PCDHA9: variants seen among roughly 807,000 people sequenced by gnomAD.
The protein encoded by PCDHA9 is protocadherin alpha-9.
In PCDHA9, 62 loss-of-function variants were observed where a neutral mutation model predicts 62.0. The ratio of observed to expected loss-of-function variants is 1.00; its 90% CI spans 0.81 to 1.23. The LOEUF is 1.23. Ranked by LOEUF, PCDHA9 falls within the 50% of genes most tolerant of loss-of-function variation. The probability of loss-of-function intolerance (pLI) is 0.00; values close to 1 mark genes in which losing one functional copy is unlikely to be tolerated. For missense variants in PCDHA9, 1,205 were observed against 1,249.8 expected (o/e 0.96, Z 0.54); for synonymous variants, 557 against 567.6 (o/e 0.98, Z 0.27).
chr5:140,890,836 C>A (rs1189670490), intron 1 of PCDHA9, among the ~76,000 whole-genome samples: 1 of 151,884 alleles, frequency 6.6e-6, no homozygotes, highest in Admixed American at 6.6e-5. Flanking sequence ...ACATATTTAC[C>A]AGTTTTGTTT....
chr5:140,906,822 T>C (rs2072968102), intron 1 of PCDHA9, among the ~76,000 whole-genome samples: 1 of 152,142 alleles, frequency 6.6e-6, no homozygotes, highest in African/African-American at 2.4e-5. Context: ...CACTGTGGAG[T>C]AGTAGACTGA....
At chr5:140,876,635 C>T (rs1554168754) in intron 1 of PCDHA9, 1 of 1,614,208 alleles carries the variant, frequency 6.2e-7, no homozygotes, top group East Asian at 2.2e-5. Flanking sequence ...GTCATCTGCT[C>T]ACTGACACCT....
chr5:140,850,893 G>A lies in PCDHA9; in HGVS notation c.2394+4G>A. 6.4e-7 allele frequency: 1 copy of A among 1,574,570 alleles called. No homozygotes were observed. The highest frequency in any genetic ancestry group is 8.7e-7 in the Non-Finnish European group (1 of 1,154,762). ...TTCCTCAGATTCAACTGGGAAGGTG[G>A]GTTTTTCTAGCATTTTATTTATTTA... On this transcript the variant is annotated splice_donor_region_variant and intron_variant, in intron 1 of 3. Transcript: ENST00000532602.
Position 140,858,189 on chromosome 5 carries a change from T to C in PCDHA9, c.2394+7300T>C. The C allele has an allele frequency of 1.3e-6, 2 of 1,597,232 alleles. 1 individual carries two copies. Among genetic ancestry groups the C allele is most frequent in the Non-Finnish European group, 1.7e-6 (2 of 1,167,008 alleles). On this transcript the variant is annotated intron_variant, in intron 1 of 3. Coordinates refer to ENST00000532602, the MANE Select transcript of PCDHA9 (RefSeq NM_031857.2). ...TCCAGCTTGCTGGTGCTCACGCTGC[T>C]GCTGTACACTGCACTGAGGTGCTCG...
At chr5:140,965,061 G>A (rs76085486) in intron 1 of PCDHA9, among the ~76,000 whole-genome samples, 2,501 of 152,286 alleles carry the variant, frequency 0.016, 68 homozygotes, top group African/African-American at 0.056. Context: ...CATGCCAAAT[G>A]TCAGGTCTCA....
chr5:140,880,739 A>G (rs1349403476), intron 1 of PCDHA9, among the ~76,000 whole-genome samples: 1 of 152,204 alleles, frequency 6.6e-6, no homozygotes, highest in South Asian at 2.1e-4. Context: ...GAGAAAATGG[A>G]TTGTCAGTGT....
chr5:140,862,714 G>C, intron 1 of PCDHA9: 1 of 562,754 alleles, frequency 1.8e-6, no homozygotes, highest in South Asian at 1.4e-5. Flanking sequence ...GCGGGTGGGC[G>C]AGTGCGCGCT....
rs2150495731 is a variant in PCDHA9 at position 140,850,722 on chromosome 5, A to T, written c.2227A>T (p.Ser743Cys). 6.3e-7 allele frequency: 1 copy of T among 1,597,444 alleles called. No homozygotes were observed. The highest frequency in any genetic ancestry group is 8.6e-7 in the Non-Finnish European group (1 of 1,167,410). ...APGKPTLVCS[S>C]AVGSWSYSQQ... ...TGGCAAGCCGACGCTGGTGTGTTCT[A>T]GCGCGGTGGGGAGTTGGTCGTACTC... is the stretch of plus-strand genomic sequence containing the variant. The change falls in exon 1 of 4, where the codon AGC (serine) becomes TGC (cysteine). Residue 743 changes from serine (S) to cysteine (C), a missense_variant. By Grantham distance (112) the Ser-to-Cys change is moderately radical. Coordinates refer to ENST00000532602, the MANE Select transcript of PCDHA9 (RefSeq NM_031857.2).
At chr5:140,943,234 G>A (rs1161111493) in intron 1 of PCDHA9, among the ~76,000 whole-genome samples, 3 of 145,508 alleles carry the variant, frequency 2.1e-5, no homozygotes, top group Non-Finnish European at 4.5e-5. Context: ...CTCCAGCCTG[G>A]GTCACAGAGT....
At chr5:140,937,150 G>C (rs2153631833) in intron 1 of PCDHA9, among the ~76,000 whole-genome samples, 1 of 149,812 alleles carries the variant, frequency 6.7e-6, no homozygotes, top group East Asian at 2.0e-4. Context: ...CCATTCTCCT[G>C]CCTCAGCCTC....
chr5:140,979,197 T>C (rs954222917), intron 2 of PCDHA9, among the ~76,000 whole-genome samples, 190 bp downstream of exon 2: 2 of 152,214 alleles, frequency 1.3e-5, no homozygotes, highest in Non-Finnish European at 2.9e-5. Flanking sequence ...CAGATGCTTA[T>C]CAAGTGCTGG....
rs142949338 is a variant in PCDHA9 at position 140,927,554 on chromosome 5, T to G, written c.2395-51395T>G. On this transcript the variant is annotated intron_variant, in intron 1 of 3. Coordinates refer to ENST00000532602, the MANE Select transcript of PCDHA9 (RefSeq NM_031857.2). ...CGCTCAGGAGACGCACAAGTCACCA[T>G]CATTGTGGTGGACACAAATGACAAC... The G allele has an allele frequency of 5.6e-6, 9 of 1,614,020 alleles. No individual in the cohort carries two copies. The African/African-American group carries it at 1.1e-4, about 19-fold the overall frequency.
chr5:140,926,757 A>T, intron 1 of PCDHA9: 1 of 1,278,278 alleles, frequency 7.8e-7, no homozygotes, highest in Non-Finnish European at 1.0e-6. Flanking sequence ...GCGGTCGCTG[A>T]GTATCCAGCC....
At chr5:141,005,633 C>T (rs1292206901) in intron 3 of PCDHA9, among the ~76,000 whole-genome samples, 2 of 126,368 alleles carry the variant, frequency 1.6e-5, no homozygotes. Context: ...ACCCGGGAGG[C>T]GGAGCTTGCA....
chr5:140,869,450 T>C, intron 1 of PCDHA9: 1 of 1,614,098 alleles, frequency 6.2e-7, no homozygotes, highest in Non-Finnish European at 8.5e-7. Flanking sequence ...CCGCTGCAGG[T>C]TTTCCATGTG....
At chr5:140,967,588 A>G (rs782208520) in intron 1 of PCDHA9, 7 of 1,614,116 alleles carry the variant, frequency 4.3e-6, no homozygotes, top group Non-Finnish European at 5.1e-6. Flanking sequence ...CCCCAGGCAC[A>G]TTGGTGGTGA....
At chr5:140,951,626 C>G (rs1182328214) in intron 1 of PCDHA9, among the ~76,000 whole-genome samples, 1 of 152,180 alleles carries the variant, frequency 6.6e-6, no homozygotes, top group East Asian at 1.9e-4. Context: ...AAGGGGGAAA[C>G]CTGCCCCATG....
intron 1 of PCDHA9, among the ~76,000 whole-genome samples, chr5:140,920,281 A>G (rs1227812998): frequency 6.6e-6 from 1 of 152,176 alleles, no homozygotes; most frequent in Admixed American, 6.5e-5. Flanking sequence ...GTAATCTTAT[A>G]TTTTTTAGAG....
At position 140,882,742 on chromosome 5, in the gene PCDHA9, C is replaced by G. The variant is rs372229324; in HGVS notation, c.2394+31853C>G. Reference sequence around the variant, plus strand: ...CTCGATTTCCACTAGATGGCGCATCCGATGCAGATATTGGAGTAAACTCGG... The same window carrying G: ...CTCGATTTCCACTAGATGGCGCATCGGATGCAGATATTGGAGTAAACTCGG... On this transcript the variant is annotated intron_variant, in intron 1 of 3. Coordinates refer to ENST00000532602, the MANE Select transcript of PCDHA9 (RefSeq NM_031857.2). 126 of 1,614,092 alleles carry G rather than the reference C, an allele frequency of 7.8e-5. 1 individual carries two copies. The Middle Eastern group carries it at 1.6e-3, about 21-fold the overall frequency.
Sources: gnomAD v4.1 joint callset for allele counts (sites outside exome capture counted in the v4.1 genomes callset) on GRCh38, gnomAD v4.1.1 for gene constraint, MANE v1.5 for transcripts, NCBI Gene and HGNC (gene_info 2026-07-23, HGNC 2026-07-21) for gene names.